The following CCDC178 variants were observed in gnomAD, a reference collection of about 807,000 sequenced individuals.
CCDC178 encodes the protein coiled-coil domain-containing protein 178.
CCDC178 carries 126 observed loss-of-function variants against 117.4 expected under a neutral mutation model. The ratio of observed to expected loss-of-function variants is 1.07; its 90% CI spans 0.93 to 1.24. CCDC178 has a LOEUF of 1.24. Ranked by LOEUF, CCDC178 falls within the 50% of genes most tolerant of loss-of-function variation. The probability of loss-of-function intolerance (pLI) is 0.00; values close to 1 mark genes in which losing one functional copy is unlikely to be tolerated. For synonymous variants in CCDC178, 283 were observed against 313.4 expected (o/e 0.90, Z 1.02); for missense variants, 1,030 against 986.9 (o/e 1.04, Z -0.59).
In CCDC178 at chr18:33,397,185, C is replaced by A. The variant is rs1347494012; in HGVS notation, c.82G>T (p.Ala28Ser). ...CTTGACCATGCCTTCTCTCTGAGAG[C>A]CTTTACTTCCTGACATGTTAAACCT... ...NIGLTCQEVK[A>S]LREKAWSRTN... is the part of the protein sequence containing the mutation. The change falls in exon 4 of 23, where the codon GCT (alanine) becomes TCT (serine). Residue 28 changes from alanine to serine, a missense_variant. Coordinates refer to ENST00000383096, the MANE Select transcript of CCDC178 (RefSeq NM_001105528.4). 6.2e-7 allele frequency: 1 copy of A among 1,606,312 alleles called. No homozygotes were observed. The highest frequency in any genetic ancestry group is 8.5e-7 in the Non-Finnish European group (1 of 1,173,774).
chr18:33,162,877 T>C (rs541716521), intron 20 of CCDC178, among the ~76,000 whole-genome samples: 1 of 152,306 alleles, frequency 6.6e-6, no homozygotes, highest in African/African-American at 2.4e-5. Context: ...CTATTGTGAA[T>C]AGTGCTGCAA....
chr18:33,367,258 T>A lies in CCDC178; in HGVS notation c.348+2792A>T, dbSNP rs180832937. Among the ~76,000 whole-genome samples the A allele has an allele frequency of 1.8e-3, 274 of 152,184 alleles. 2 individuals carry two copies. The highest frequency in any genetic ancestry group is 6.2e-3 in the African/African-American group (259 of 41,568). On this transcript the variant is annotated intron_variant, in intron 6 of 22. Transcript: ENST00000383096. The stretch of plus-strand genomic sequence containing the variant: ...TGTGGGATCTAAAAATCCAAACAAT[T>A]GAACTCATGAATATAGAGAATAGAT...
intron 20 of CCDC178, among the ~76,000 whole-genome samples, chr18:33,153,021 A>AT (rs2058357428): frequency 6.7e-6 from 1 of 150,230 alleles, no homozygotes; most frequent in Non-Finnish European, 1.5e-5. Context: ...AGACTTGTGA[A>AT]AAAAAAAACA....
At chr18:33,210,270 T>C (rs777932339) in intron 20 of CCDC178, among the ~76,000 whole-genome samples, 4 of 152,084 alleles carry the variant, frequency 2.6e-5, no homozygotes, top group Non-Finnish European at 5.9e-5. Flanking sequence ...TATAAATGAA[T>C]TACCAAAACA....
intron 21 of CCDC178, among the ~76,000 whole-genome samples, chr18:32,977,659 T>C (rs1452857323): frequency 6.6e-6 from 1 of 152,206 alleles, no homozygotes; most frequent in Non-Finnish European, 1.5e-5. Flanking sequence ...GGATGAACTC[T>C]TAGCCTTACT....
chr18:33,274,757 T>G lies in CCDC178; in HGVS notation c.1177-7460A>C, dbSNP rs2059927566. On this transcript the variant is annotated intron_variant, in intron 12 of 22. Coordinates refer to ENST00000383096, the MANE Select transcript of CCDC178 (RefSeq NM_001105528.4). ...TGGGAAAAAAATGAAAAAATATACA[T>G]GAAAATTCAGTGCCTAAGGGTCAAA... is the stretch of plus-strand genomic sequence containing the variant. Among the ~76,000 whole-genome samples the G allele has an allele frequency of 3.9e-5, 6 of 152,118 alleles. No individual in the cohort carries two copies. The South Asian group carries it at 1.2e-3, about 32-fold the overall frequency.
At chr18:32,976,856 A>C (rs1012994898) in intron 21 of CCDC178, among the ~76,000 whole-genome samples, 2 of 152,158 alleles carry the variant, frequency 1.3e-5, no homozygotes, top group Non-Finnish European at 2.9e-5. Context: ...TTTGAAACAC[A>C]TATTGCAGTA....
At chr18:33,130,801 G>A (rs2058062112) in intron 20 of CCDC178, among the ~76,000 whole-genome samples, 1 of 151,880 alleles carries the variant, frequency 6.6e-6, no homozygotes, top group South Asian at 2.1e-4. Flanking sequence ...GACATAGGCA[G>A]GCTAATATTT....
At chr18:33,263,010 C>T (rs796463318) in intron 14 of CCDC178, among the ~76,000 whole-genome samples, 14 of 152,264 alleles carry the variant, frequency 9.2e-5, no homozygotes, top group African/African-American at 3.4e-4. Flanking sequence ...TGGAAACACA[C>T]AAGAATTATT....
chr18:33,349,095 T>A (rs1171415152), intron 7 of CCDC178, 120 bp from the exon 8 acceptor site: 2 of 575,536 alleles, frequency 3.5e-6, no homozygotes, highest in Non-Finnish European at 6.0e-6. Flanking sequence ...TACAAGATAA[T>A]CTTACTAGAT....
intron 22 of CCDC178, among the ~76,000 whole-genome samples, chr18:32,943,131 G>A (rs1323818825): frequency 2.0e-5 from 3 of 152,182 alleles, no homozygotes; most frequent in African/African-American, 7.2e-5. Context: ...GGAACATGGT[G>A]TGAGGTTATT....
chr18:33,413,292 A>G (rs1449136344), intron 2 of CCDC178, among the ~76,000 whole-genome samples: 1 of 152,152 alleles, frequency 6.6e-6, no homozygotes, highest in African/African-American at 2.4e-5. Flanking sequence ...TGCTCTTCCA[A>G]ATAAACCACT....
chr18:33,103,294 G>C (rs2057657278), intron 20 of CCDC178, among the ~76,000 whole-genome samples: 1 of 151,528 alleles, frequency 6.6e-6, no homozygotes, highest in Admixed American at 6.6e-5. Flanking sequence ...GAACAGTATG[G>C]GGGAAACTGC....
chr18:32,985,492 T>G (rs1378765212), intron 21 of CCDC178, among the ~76,000 whole-genome samples: 1 of 151,874 alleles, frequency 6.6e-6, no homozygotes, highest in Non-Finnish European at 1.5e-5. Flanking sequence ...AAGAAGAAAA[T>G]CTGAAAAGTA....
chr18:33,282,741 T>C (rs2144830983), intron 12 of CCDC178, among the ~76,000 whole-genome samples: 1 of 152,238 alleles, frequency 6.6e-6, no homozygotes, highest in East Asian at 1.9e-4. Flanking sequence ...TGCCAGCACA[T>C]GGGAGTGCAA....
intron 12 of CCDC178, among the ~76,000 whole-genome samples, chr18:33,290,725 C>T (rs999574509): frequency 6.6e-6 from 1 of 151,944 alleles, no homozygotes; most frequent in African/African-American, 2.4e-5. Context: ...ATTTTCGTGA[C>T]GTAGCCATGG....
At chr18:33,384,436 G>A (rs1195420180) in intron 5 of CCDC178, among the ~76,000 whole-genome samples, 2 of 151,960 alleles carry the variant, frequency 1.3e-5, no homozygotes, top group Non-Finnish European at 2.9e-5. Context: ...TCAAAATCAA[G>A]GAAAAAATGT....
chr18:33,300,893 C>T (rs563130981), intron 11 of CCDC178, among the ~76,000 whole-genome samples: 9 of 152,242 alleles, frequency 5.9e-5, no homozygotes, highest in African/African-American at 2.2e-4. Flanking sequence ...CAGAAAAATT[C>T]CAAGCAGGCT....
intron 22 of CCDC178, among the ~76,000 whole-genome samples, chr18:32,952,555 G>A (rs954733806): frequency 1.3e-5 from 2 of 152,168 alleles, no homozygotes; most frequent in African/African-American, 2.4e-5. Context: ...CCTGGGCCAA[G>A]TCCATTAATC....
Sources: gnomAD v4.1 joint callset for allele counts (sites outside exome capture counted in the v4.1 genomes callset) on GRCh38, gnomAD v4.1.1 for gene constraint, MANE v1.5 for transcripts, NCBI Gene and HGNC (gene_info 2026-07-23, HGNC 2026-07-21) for gene names.